Variants in WDR37 observed in about 807,000 individuals in gnomAD.
WDR37 encodes WD repeat domain 37.
A neutral mutation model predicts 62.9 loss-of-function variants in WDR37; 19 were observed. The ratio of observed to expected loss-of-function variants is 0.30; its 90% confidence interval spans 0.21 to 0.44. The LOEUF is 0.44. Ranked by LOEUF, WDR37 falls within the 20% of genes least tolerant of loss-of-function variation. WDR37 has a pLI of 1.00. For synonymous variants in WDR37, 250 were observed against 260.9 expected (o/e 0.96, Z 0.40); for missense variants, 474 against 657.6 (o/e 0.72, Z 3.05).
At chr10:1,110,810 G>T (rs1835191989) in intron 11 of WDR37, among the ~76,000 whole-genome samples, 1 of 152,254 alleles carries the variant, frequency 6.6e-6, no homozygotes, top group South Asian at 2.1e-4. Flanking sequence ...GTGAGCCTCC[G>T]ATGGGTGTCC....
Position 1,129,317 on chromosome 10 carries a change from C to T in WDR37, c.1458C>T (p.Asn486=), listed in dbSNP as rs762043458. The T allele has an allele frequency of 6.2e-7, 1 of 1,614,022 alleles. No homozygotes were observed. Among genetic ancestry groups the T allele is most frequent in the Non-Finnish European group, 8.5e-7 (1 of 1,180,030 alleles). The change falls in exon 14 of 14, where the codon AAC becomes AAT. Residue 486 remains asparagine (N), a synonymous_variant. Transcript: ENST00000263150. ...FDRQAIGWNI[N]IPALLQEK is the part of the protein sequence containing the mutation. Reference sequence around the variant, plus strand: ...GGCAAGCCATTGGTTGGAACATCAACATCCCTGCATTGCTACAAGAAAAAT... The same window carrying T: ...GGCAAGCCATTGGTTGGAACATCAATATCCCTGCATTGCTACAAGAAAAAT...
intron 9 of WDR37, among the ~76,000 whole-genome samples, chr10:1,098,275 T>C (rs1354942065): frequency 6.6e-6 from 1 of 151,242 alleles, no homozygotes; most frequent in Non-Finnish European, 1.5e-5. Context: ...CTCACCCTTA[T>C]GGCTGCCCTT....
intron 11 of WDR37, among the ~76,000 whole-genome samples, chr10:1,112,825 G>A (rs1198208054): frequency 6.6e-6 from 1 of 152,224 alleles, no homozygotes; most frequent in Non-Finnish European, 1.5e-5. Flanking sequence ...AAGAAAAGCT[G>A]GAAGCTGGCA....
At chr10:1,113,866 T>C (rs1835298171) in intron 11 of WDR37, among the ~76,000 whole-genome samples, 1 of 151,644 alleles carries the variant, frequency 6.6e-6, no homozygotes, top group African/African-American at 2.4e-5. Context: ...GGATTTTGAA[T>C]ATTCCATAAA....
intron 13 of WDR37, among the ~76,000 whole-genome samples, chr10:1,126,407 G>GAA (rs1292828252): frequency 6.8e-6 from 1 of 147,554 alleles, no homozygotes; most frequent in African/African-American, 2.5e-5. Context: ...CTGTGTCTCA[G>GAA]AAAAAAAAAA....
intron 11 of WDR37, among the ~76,000 whole-genome samples, chr10:1,123,349 C>T (rs1186785158): frequency 6.6e-6 from 1 of 151,980 alleles, no homozygotes; most frequent in African/African-American, 2.4e-5. Context: ...GTTGTGCAAC[C>T]ACCAGCACTA....
chr10:1,122,231 A>G (rs1305331114), intron 11 of WDR37, among the ~76,000 whole-genome samples: 1 of 152,178 alleles, frequency 6.6e-6, no homozygotes, highest in African/African-American at 2.4e-5. Flanking sequence ...GGTCCACATT[A>G]AATTAGTGAT....
At chr10:1,093,764 T>C in intron 8 of WDR37, among the ~76,000 whole-genome samples, 1 of 152,212 alleles carries the variant, frequency 6.6e-6, no homozygotes, top group Middle Eastern at 3.2e-3. Context: ...CATCAGTATG[T>C]TTGCTGCTCC....
At chr10:1,071,059 T>C (rs11250249) in intron 1 of WDR37, among the ~76,000 whole-genome samples, 9,879 of 152,316 alleles carry the variant, frequency 0.065, 360 homozygotes, top group African/African-American at 0.082. Context: ...AACTGTCTAC[T>C]TGGAATTTAG....
At chr10:1,101,031 A>C (rs1589107693) in intron 9 of WDR37, among the ~76,000 whole-genome samples, 1 of 151,948 alleles carries the variant, frequency 6.6e-6, no homozygotes, top group Non-Finnish European at 1.5e-5. Context: ...ACACCTTTCC[A>C]CCGTCTGAAC....
At chr10:1,078,915 T>G (rs192185647) in intron 3 of WDR37, among the ~76,000 whole-genome samples, 107 of 152,364 alleles carry the variant, frequency 7.0e-4, no homozygotes, top group Non-Finnish European at 1.3e-3. Flanking sequence ...GCATTTCCAT[T>G]GTTAAGCTGT....
intron 9 of WDR37, among the ~76,000 whole-genome samples, chr10:1,102,937 C>T (rs1377600630): frequency 6.6e-6 from 1 of 152,166 alleles, no homozygotes; most frequent in Non-Finnish European, 1.5e-5. Flanking sequence ...CGTAGTTTTG[C>T]ATGTGTGCAT....
rs574198501 is a variant in WDR37 at position 1,086,898 on chromosome 10, G to A, written c.604+541G>A. On this transcript the variant is annotated intron_variant, in intron 7 of 13. Transcript: ENST00000263150. ...AGTTTCCTGACCAGACTTTGTTTCT[G>A]TTTCCTCTCGCACGTGCTGTGTGGT... Among the ~76,000 whole-genome samples, 3 of 152,314 alleles carry A rather than the reference G, an allele frequency of 2.0e-5. No individual in the cohort carries two copies. In the South Asian group the frequency reaches 6.2e-4, roughly 32 times the overall value.
intron 11 of WDR37, among the ~76,000 whole-genome samples, chr10:1,112,315 C>T (rs1011397085): frequency 2.0e-5 from 3 of 152,196 alleles, no homozygotes; most frequent in African/African-American, 7.2e-5. Context: ...GAACCTTGCC[C>T]ATAGAAGACA....
At chr10:1,078,230 A>G (rs1833936456) in intron 3 of WDR37, among the ~76,000 whole-genome samples, 1 of 152,084 alleles carries the variant, frequency 6.6e-6, no homozygotes, top group Admixed American at 6.6e-5. Flanking sequence ...AAAAAATAAA[A>G]AATACATGGA....
intron 4 of WDR37, 41 bp from the exon 5 acceptor site, chr10:1,080,371 A>C: frequency 6.2e-7 from 1 of 1,613,104 alleles, no homozygotes; most frequent in Non-Finnish European, 8.5e-7. Flanking sequence ...TAGGTCTTTG[A>C]TTGTGTGATT....
rs538738611 is a variant in WDR37, at chr10:1,058,408, T to G, written c.-41+1440T>G. Among the ~76,000 whole-genome samples the G allele has an allele frequency of 6.6e-5, 10 of 152,384 alleles. No individual in the cohort carries two copies. In the East Asian group the frequency reaches 1.7e-3, roughly 26 times the overall value. On this transcript the variant is annotated intron_variant, in intron 1 of 13. Transcript: ENST00000263150. ...TTTTTGGGTAGCTATGTTAGGCTGT[T>G]CACTTTGGGCATTTGCCCTGAACTA...
At position 1,126,748 on chromosome 10, in the gene WDR37, TTC is replaced by T. The variant is rs1291657917; in HGVS notation, c.1353+1729_1353+1730del. ...AGGGAGGCACGTGCGAAAGTGGGGG[TTC>T]TCTCAGCGCAGCAACACCTTTTCTT... On this transcript the variant is annotated intron_variant, in intron 13 of 13. Transcript: ENST00000263150. Among the ~76,000 whole-genome samples the T allele has an allele frequency of 1.6e-4, 25 of 152,166 alleles. No homozygotes were observed. The East Asian group carries it at 4.8e-3, about 29-fold the overall frequency.
intron 11 of WDR37, among the ~76,000 whole-genome samples, chr10:1,110,638 T>TTG (rs914195253): frequency 2.1e-4 from 32 of 152,212 alleles, no homozygotes; most frequent in Middle Eastern, 3.4e-3. Context: ...AATGGCCAGG[T>TTG]TGTGTGTGTG....
Sources: gnomAD v4.1 joint callset for allele counts (sites outside exome capture counted in the v4.1 genomes callset) on GRCh38, gnomAD v4.1.1 for gene constraint, MANE v1.5 for transcripts, NCBI Gene and HGNC (gene_info 2026-07-23, HGNC 2026-07-21) for gene names.